Variants in ZGRF1 observed in about 807,000 individuals in gnomAD.
ZGRF1 encodes 5'-3' DNA helicase ZGRF1.
Under a neutral mutation model 203.5 loss-of-function variants are expected in ZGRF1, and 196 were observed. The observed-to-expected ratio is 0.96, with a 90% CI of 0.86 to 1.08. ZGRF1 has a LOEUF of 1.08. Among genes scored for constraint, ZGRF1 ranks in the 50% least tolerant of loss-of-function variants. ZGRF1 has a pLI of 0.00. For synonymous variants in ZGRF1, 809 were observed against 841.3 expected, an observed-to-expected ratio of 0.96 and a Z score of 0.66; for missense variants, 2,326 against 2,416.3, an observed-to-expected ratio of 0.96 and a Z score of 0.78.
chr4:112,615,568 T>C (rs1187012209), intron 6 of ZGRF1, among the ~76,000 whole-genome samples: 1 of 151,500 alleles, frequency 6.6e-6, no homozygotes, highest in African/African-American at 2.4e-5. Flanking sequence ...TGCTAGAACT[T>C]TGTATTCTTA....
At chr4:112,552,264 G>A (rs1231533931) in intron 22 of ZGRF1, among the ~76,000 whole-genome samples, 6 of 150,486 alleles carry the variant, frequency 4.0e-5, no homozygotes, top group African/African-American at 1.2e-4. Flanking sequence ...GTGACAGAGC[G>A]AGACTCTGGC....
chr4:112,581,739 A>G lies in ZGRF1; in HGVS notation c.4362T>C (p.Pro1454=). The part of the protein sequence containing the change: ...GKLKKFTTVN[P]EFYNEPKTKL... The stretch of plus-strand genomic sequence containing the variant: ...TGGTTTTTGGTTCATTATAAAACTC[A>G]GGATTTACAGTAGTAAACTTCTTTA... Residue 1454 remains proline (P), a synonymous_variant, in exon 16 of 28, where the codon CCT becomes CCC. Coordinates refer to ENST00000505019, the MANE Select transcript of ZGRF1 (RefSeq NM_018392.5). 6.4e-7 allele frequency: 1 copy of G among 1,567,832 alleles called. No individual in the cohort carries two copies. Among genetic ancestry groups the G allele is most frequent in the Non-Finnish European group, 8.6e-7 (1 of 1,157,032 alleles).
At position 112,617,770 on chromosome 4, in the gene ZGRF1, TATTTG is replaced by T. The variant is rs2046931123; in HGVS notation, c.2267_2271del (p.Ser756TyrfsTer27). On this transcript the variant is annotated frameshift_variant, in exon 6 of 28. Coordinates refer to ENST00000505019, the MANE Select transcript of ZGRF1 (RefSeq NM_018392.5). LOFTEE classifies it high-confidence loss of function. ...TAAAACAAAGAATTGGAAATGTGGGTATTTGATTTATCAAGTGCAATACATTCATA... is the reference window on the plus strand; with the variant it reads ...TAAAACAAAGAATTGGAAATGTGGGTATTTATCAAGTGCAATACATTCATA... 1 of 1,614,038 alleles carries T rather than the reference TATTTG, an allele frequency of 6.2e-7. No homozygotes were observed. The highest frequency in any genetic ancestry group is 8.5e-7 in the Non-Finnish European group (1 of 1,179,946).
At chr4:112,572,154 T>C (rs1744319724) in intron 16 of ZGRF1, among the ~76,000 whole-genome samples, 1 of 152,130 alleles carries the variant, frequency 6.6e-6, no homozygotes, top group South Asian at 2.1e-4. Context: ...GGACTGAAGA[T>C]TTAAATCTCA....
chr4:112,546,741 G>C (rs1738854017), intron 24 of ZGRF1: 1 of 152,218 alleles, frequency 6.6e-6, no homozygotes, highest in African/African-American at 2.4e-5. Context: ...AAAAGGATGA[G>C]TTTGGCCTCT....
intron 10 of ZGRF1, among the ~76,000 whole-genome samples, chr4:112,595,712 A>G (rs1274635324): frequency 2.0e-5 from 3 of 152,208 alleles, no homozygotes; most frequent in Non-Finnish European, 4.4e-5. Context: ...ATCCATTTCA[A>G]AACAACGTAA....
In ZGRF1 at chr4:112,539,872, G is replaced by A. The variant is rs767674015; in HGVS notation, c.6163C>T (p.His2055Tyr). The A allele has an allele frequency of 3.7e-6, 6 of 1,613,670 alleles. No individual in the cohort carries two copies. Among genetic ancestry groups the A allele is most frequent in the Middle Eastern group, 1.6e-4 (1 of 6,080 alleles). Reference sequence around the variant, plus strand: ...CCCATTTTTATTTTACCTTCGCAGTGTTGGATCACTCGTCCCCAAAGTTGA... The same window carrying A: ...CCCATTTTTATTTTACCTTCGCAGTATTGGATCACTCGTCCCCAAAGTTGA... ...KNQLWGRVIQ[H>Y]CEGREDGLQH... The change falls in exon 27 of 28, where the codon CAC becomes TAC. Residue 2055 changes from histidine (H) to tyrosine (Y), a missense_variant. Physicochemically the swap from His to Tyr is moderately conservative, Grantham distance 83 (BLOSUM62 2). Transcript: ENST00000505019.
chr4:112,561,443 G>T, intron 18 of ZGRF1: 1 of 153,718 alleles, frequency 6.5e-6, no homozygotes, highest in South Asian at 2.0e-4. Context: ...ACATGAATTG[G>T]TCTTATTTCT....
chr4:112,575,854 A>C (rs1745106081), intron 16 of ZGRF1, among the ~76,000 whole-genome samples: 1 of 152,222 alleles, frequency 6.6e-6, no homozygotes, highest in Non-Finnish European at 1.5e-5. Context: ...TCTGGGGGGC[A>C]GGACTTAGCC....
rs575464722 is a variant in ZGRF1, at chr4:112,618,971, A to G, written c.1071T>C (p.Asp357=). Residue 357 remains aspartate (D), a synonymous_variant, in exon 6 of 28, where the codon GAT becomes GAC. Transcript: ENST00000505019. ...GGTCTTTCAAATTAGAATTTACATC[A>G]TCTTCCTGGGCCTTGGGTTTCCTTT... The part of the protein sequence containing the change: ...DTERKPKAQE[D]DVNSNLKDLS... 73 of 1,613,780 alleles carry G rather than the reference A, an allele frequency of 4.5e-5. 1 individual carries two copies. The South Asian group carries it at 7.8e-4, about 17-fold the overall frequency.
At position 112,609,437 on chromosome 4, in the gene ZGRF1, A is replaced by G. The variant is rs1251564085; in HGVS notation, c.2668-8T>C. ...TTCATCTTCTTTTAGTATCTTAGGA[A>G]TAGAATATTAATTTTAGATAAACTA... On this transcript the variant is annotated splice_polypyrimidine_tract_variant and splice_region_variant and intron_variant, in intron 7 of 27. Coordinates refer to ENST00000505019, the MANE Select transcript of ZGRF1 (RefSeq NM_018392.5). 6.8e-7 allele frequency: 1 copy of G among 1,463,544 alleles called. No individual in the cohort carries two copies. The highest frequency in any genetic ancestry group is 1.8e-4 in the Middle Eastern group (1 of 5,580). 90.7% of individuals were successfully genotyped at this position (1,463,544 alleles called of 1,614,324 possible).
At chr4:112,599,030 A>T (rs2149077228) in intron 10 of ZGRF1, among the ~76,000 whole-genome samples, 1 of 152,190 alleles carries the variant, frequency 6.6e-6, no homozygotes, top group Non-Finnish European at 1.5e-5. Flanking sequence ...CAGCTTGGGC[A>T]ACAGAGTGAG....
At chr4:112,594,629 T>C (rs1345673719) in intron 10 of ZGRF1, among the ~76,000 whole-genome samples, 1 of 151,542 alleles carries the variant, frequency 6.6e-6, no homozygotes. Context: ...ATTTTTGTAT[T>C]TTTGGTAGAG....
intron 6 of ZGRF1, 105 bp from the exon 7 acceptor site, chr4:112,612,693 G>A: frequency 4.6e-6 from 3 of 654,812 alleles, no homozygotes; most frequent in South Asian, 2.1e-5. Context: ...TAAATTTTAA[G>A]ATCAGACAAT....
chr4:112,554,932 T>C (rs1434089311), intron 20 of ZGRF1, 150 bp from the exon 21 acceptor site: 3 of 468,562 alleles, frequency 6.4e-6, no homozygotes, highest in Non-Finnish European at 1.1e-5. Flanking sequence ...ACAAAGTAAA[T>C]GCAAGTAGTT....
intron 4 of ZGRF1, among the ~76,000 whole-genome samples, chr4:112,623,262 A>G (rs980192960): frequency 1.6e-4 from 25 of 152,170 alleles, no homozygotes; most frequent in African/African-American, 5.5e-4. Flanking sequence ...TATCACTGAT[A>G]GGCATTTAGG....
Position 112,589,836 on chromosome 4 carries a change from A to G in ZGRF1, c.3015T>C (p.Pro1005=), listed in dbSNP as rs1747848585. 6.2e-7 allele frequency: 1 copy of G among 1,612,922 alleles called. No individual in the cohort carries two copies. Among genetic ancestry groups the G allele is most frequent in the African/African-American group, 1.3e-5 (1 of 74,844 alleles). Reference sequence around the variant, plus strand: ...TTGAGTTCAAAGAAAAGGTAGAAACAGGGCTCAATGTAGAGATGTTTTCTT... The same window carrying G: ...TTGAGTTCAAAGAAAAGGTAGAAACGGGGCTCAATGTAGAGATGTTTTCTT... ...SPEENISTLS[P]VSTFSLNSRD... is the part of the protein sequence containing the mutation. The change falls in exon 11 of 28, where the codon CCT becomes CCC. Residue 1005 remains proline, a synonymous_variant. Coordinates refer to ENST00000505019, the MANE Select transcript of ZGRF1 (RefSeq NM_018392.5).
chr4:112,545,777 C>A (rs1738623879), intron 24 of ZGRF1, among the ~76,000 whole-genome samples: 2 of 151,974 alleles, frequency 1.3e-5, no homozygotes, highest in Non-Finnish European at 2.9e-5. Flanking sequence ...TATTATTTAG[C>A]CTTATAAAGA....
chr4:112,558,941 A>C (rs1186379577), intron 19 of ZGRF1, among the ~76,000 whole-genome samples: 2 of 152,234 alleles, frequency 1.3e-5, no homozygotes, highest in African/African-American at 4.8e-5. Context: ...AAAATTAAGA[A>C]GTAGAACTAA....
Sources: gnomAD v4.1 joint callset for allele counts (sites outside exome capture counted in the v4.1 genomes callset) on GRCh38, gnomAD v4.1.1 for gene constraint, MANE v1.5 for transcripts, NCBI Gene and HGNC (gene_info 2026-07-23, HGNC 2026-07-21) for gene names.